PCDHGA2: variants seen among roughly 807,000 people sequenced by gnomAD.
PCDHGA2 encodes protocadherin gamma-A2.
Under a neutral mutation model 59.2 loss-of-function variants are expected in PCDHGA2, and 40 were observed. The ratio of observed to expected loss-of-function variants is 0.68; its 90% CI spans 0.52 to 0.88. The LOEUF (loss-of-function observed/expected upper bound fraction) is 0.88, where lower values mean the gene tolerates loss of function less well. Among genes scored for constraint, PCDHGA2 ranks in the 40% least tolerant of loss-of-function variants. The pLI is 0.00. For missense variants in PCDHGA2, 1,226 were observed against 1,204.0 expected (o/e 1.02, Z -0.27); for synonymous variants, 560 against 526.0 (o/e 1.06, Z -0.89).
intron 1 of PCDHGA2, chr5:141,393,423 G>A: frequency 1.2e-6 from 2 of 1,614,040 alleles, no homozygotes; most frequent in South Asian, 2.2e-5. Flanking sequence ...GGACAGGGAG[G>A]AAGAGGCTGC....
At chr5:141,399,464 C>G in intron 1 of PCDHGA2, 1 of 1,614,018 alleles carries the variant, frequency 6.2e-7, no homozygotes, top group Non-Finnish European at 8.5e-7. Flanking sequence ...GATAACGCTC[C>G]GGTTTTCCAC....
intron 1 of PCDHGA2, chr5:141,373,979 C>A: frequency 9.0e-7 from 1 of 1,107,704 alleles, no homozygotes; most frequent in Non-Finnish European, 1.2e-6. Context: ...CGCATCCGGT[C>A]TCTGCTTGTT....
chr5:141,489,666 C>A lies in PCDHGA2; in HGVS notation c.2425-5141C>A. On this transcript the variant is annotated intron_variant, in intron 1 of 3. Transcript: ENST00000394576. The surrounding 1 kb of genome is among the most constrained non-coding windows in gnomAD (Gnocchi z 4.5). ...CCACCCCTGAGCGAGAGATGCGCAT[C>A]TCAGAATCAGCAGCATCTGGGGCAC... 1.2e-6 allele frequency: 2 copies of A among 1,614,222 alleles called. No homozygotes were observed. Among genetic ancestry groups the A allele is most frequent in the Non-Finnish European group, 1.7e-6 (2 of 1,180,036 alleles).
chr5:141,419,999 C>T (rs369649545), intron 1 of PCDHGA2: 4 of 1,613,960 alleles, frequency 2.5e-6, no homozygotes, highest in Non-Finnish European at 3.4e-6. Flanking sequence ...TATTGCTCTA[C>T]GCCTGCGACA....
chr5:141,398,841 TC>T (rs1383151737), intron 1 of PCDHGA2: 5 of 1,613,612 alleles, frequency 3.1e-6, no homozygotes, highest in African/African-American at 1.3e-5. Flanking sequence ...CCAATGATAA[TC>T]CCCCGGTATT....
intron 1 of PCDHGA2, chr5:141,385,543 C>G (rs1284826303): frequency 7.6e-7 from 1 of 1,322,422 alleles, no homozygotes; most frequent in Non-Finnish European, 9.7e-7. Context: ...AATATGTGGA[C>G]TATCACATTT....
At position 141,404,471 on chromosome 5, in the gene PCDHGA2, A is replaced by G. The variant is rs200620626; in HGVS notation, c.2424+63076A>G. ...GTCTCCTCTCTCCACCTATGTCTCT[A>G]TTAACTCAGACACTGGTGTGCTGTA... On this transcript the variant is annotated intron_variant, in intron 1 of 3. Coordinates refer to ENST00000394576, the MANE Select transcript of PCDHGA2 (RefSeq NM_018915.4). 307 of 1,613,160 alleles carry G rather than the reference A, an allele frequency of 1.9e-4. No homozygotes were observed. Among genetic ancestry groups the G allele is most frequent in the Non-Finnish European group, 2.5e-4 (293 of 1,179,322 alleles).
At chr5:141,352,519 C>G (rs1338121700) in intron 1 of PCDHGA2, 2 of 1,613,892 alleles carry the variant, frequency 1.2e-6, no homozygotes, top group Non-Finnish European at 1.7e-6. Context: ...TATGTATTGC[C>G]TCTCATTCTG....
At chr5:141,344,464 A>T in intron 1 of PCDHGA2, 1 of 1,613,906 alleles carries the variant, frequency 6.2e-7, no homozygotes. Context: ...AAAATTGGTG[A>T]ACTAACGGTT....
intron 1 of PCDHGA2, among the ~76,000 whole-genome samples, chr5:141,461,231 T>C (rs1042368465): frequency 6.6e-5 from 10 of 152,068 alleles, no homozygotes; most frequent in African/African-American, 2.4e-4. Context: ...TCCATAGAGG[T>C]TGTACTAATT....
intron 3 of PCDHGA2, 43 bp downstream of exon 3, chr5:141,505,524 G>A: frequency 6.2e-7 from 1 of 1,612,712 alleles, no homozygotes; most frequent in Non-Finnish European, 8.5e-7. Context: ...GGAGACCTGG[G>A]GTTCTGGGGT....
chr5:141,401,350 A>G (rs1046893336), intron 1 of PCDHGA2, among the ~76,000 whole-genome samples: 2 of 152,226 alleles, frequency 1.3e-5, no homozygotes, highest in Non-Finnish European at 2.9e-5. Flanking sequence ...CTCAAAAAAA[A>G]GGAAGGAGAA....
At chr5:141,481,229 A>T (rs989963485) in intron 1 of PCDHGA2, among the ~76,000 whole-genome samples, 1 of 152,212 alleles carries the variant, frequency 6.6e-6, no homozygotes, top group Non-Finnish European at 1.5e-5. Flanking sequence ...TCCCAGCCTT[A>T]AAGTATTACA....
At chr5:141,372,612 C>T (rs773605439) in intron 1 of PCDHGA2, 2 of 1,614,004 alleles carry the variant, frequency 1.2e-6, no homozygotes, top group Non-Finnish European at 1.7e-6. Context: ...ACCTGGAGTT[C>T]TCCCCACCTA....
Position 141,366,209 on chromosome 5 carries a change from C to T in PCDHGA2, c.2424+24814C>T, listed in dbSNP as rs371864119. On this transcript the variant is annotated intron_variant, in intron 1 of 3. Transcript: ENST00000394576. ...GGTTGGGCTGCACACGGGCGAGGTG[C>T]GCACAGCGCGAGCCCTGCTGGACAG... is the stretch of plus-strand genomic sequence containing the variant. The T allele has an allele frequency of 2.5e-6, 4 of 1,613,698 alleles. No individual in the cohort carries two copies. In the African/African-American group the frequency reaches 5.3e-5, roughly 22 times the overall value.
chr5:141,374,474 C>G (rs762306215), intron 1 of PCDHGA2: 1 of 1,612,258 alleles, frequency 6.2e-7, no homozygotes, highest in Middle Eastern at 1.7e-4. Context: ...TGACAATACA[C>G]CCCGATTCTT....
intron 1 of PCDHGA2, among the ~76,000 whole-genome samples, chr5:141,465,888 C>T (rs1031908926): frequency 5.3e-5 from 8 of 151,942 alleles, no homozygotes; most frequent in South Asian, 2.1e-4. Context: ...TTTGGGAGGC[C>T]GAGGCGGGCA....
At chr5:141,356,429 T>C (rs1349646142) in intron 1 of PCDHGA2, 4 of 1,608,900 alleles carry the variant, frequency 2.5e-6, no homozygotes, top group African/African-American at 1.3e-5. Flanking sequence ...CACAGAACAC[T>C]GGACAGGGAA....
intron 1 of PCDHGA2, chr5:141,365,861 A>T (rs755321974): frequency 3.1e-6 from 5 of 1,613,912 alleles, no homozygotes; most frequent in Non-Finnish European, 4.2e-6. Context: ...TAACTCTGAC[A>T]CCGGTGTCCT....
Sources: gnomAD v4.1 joint callset for allele counts (sites outside exome capture counted in the v4.1 genomes callset) on GRCh38, gnomAD v4.1.1 for gene constraint, Gnocchi (gnomAD v3.1) non-coding constraint, MANE v1.5 for transcripts, NCBI Gene and HGNC (gene_info 2026-07-23, HGNC 2026-07-21) for gene names.